The following EBF2 variants were observed in gnomAD, a reference collection of about 807,000 sequenced individuals.
The protein encoded by EBF2 is transcription factor COE2.
A neutral mutation model predicts 72.8 loss-of-function variants in EBF2; 21 were observed. The observed-to-expected ratio is 0.29, with a 90% CI of 0.20 to 0.42. EBF2 has a LOEUF of 0.42. Among genes scored for constraint, EBF2 ranks in the 10% least tolerant of loss-of-function variants. The probability of loss-of-function intolerance (pLI) is 1.00; values close to 1 mark genes in which losing one functional copy is unlikely to be tolerated. For synonymous variants in EBF2, 299 were observed against 274.2 expected, an observed-to-expected ratio of 1.09 and a Z score of -0.89; for missense variants, 637 against 731.2, an observed-to-expected ratio of 0.87 and a Z score of 1.49.
intron 6 of EBF2, among the ~76,000 whole-genome samples, chr8:25,913,097 C>T (rs1327558386): frequency 6.6e-6 from 1 of 152,146 alleles, no homozygotes; most frequent in Non-Finnish European, 1.5e-5. Flanking sequence ...ATTCAATTTA[C>T]CTCCAAATTG....
chr8:25,874,611 C>T (rs2117276759), intron 10 of EBF2, among the ~76,000 whole-genome samples: 1 of 152,046 alleles, frequency 6.6e-6, no homozygotes, highest in East Asian at 1.9e-4. Flanking sequence ...ATCTCTTCTG[C>T]TCCTTTGGTC....
chr8:25,885,419 C>T (rs1344835207), intron 10 of EBF2, among the ~76,000 whole-genome samples: 2 of 152,192 alleles, frequency 1.3e-5, no homozygotes, highest in African/African-American at 4.8e-5. Context: ...TCCCTTAACC[C>T]TTGGTACCCA....
chr8:25,982,054 G>A (rs1231734893), intron 6 of EBF2, among the ~76,000 whole-genome samples: 2 of 152,136 alleles, frequency 1.3e-5, no homozygotes, highest in Non-Finnish European at 2.9e-5. Context: ...ACGGAGGGAG[G>A]TTTCCTGTGA....
intron 6 of EBF2, among the ~76,000 whole-genome samples, chr8:25,945,908 TAATAAAG>T (rs1803761694): frequency 1.3e-5 from 2 of 152,026 alleles, no homozygotes; most frequent in Admixed American, 6.6e-5. Context: ...TTTTTACTAT[TAATAAAG>T]AATGCTGAAG....
At chr8:26,033,269 T>A in intron 5 of EBF2, 116 bp from the exon 6 acceptor site, 1 of 947,024 alleles carries the variant, frequency 1.1e-6, no homozygotes. Flanking sequence ...GTCACCAGGC[T>A]GTAGTACAAT....
intron 13 of EBF2, among the ~76,000 whole-genome samples, chr8:25,860,149 T>G (rs1347119383): frequency 2.0e-5 from 3 of 152,212 alleles, no homozygotes; most frequent in Non-Finnish European, 4.4e-5. Flanking sequence ...TAAAAATGAT[T>G]CGTGACAGAT....
At chr8:26,002,504 G>T (rs1441687202) in intron 6 of EBF2, among the ~76,000 whole-genome samples, 1 of 152,150 alleles carries the variant, frequency 6.6e-6, no homozygotes, top group East Asian at 1.9e-4. Context: ...CTTCGGCAAG[G>T]GCCCGGGGCT....
intron 6 of EBF2, among the ~76,000 whole-genome samples, chr8:25,944,582 C>T (rs1228932032): frequency 1.4e-5 from 2 of 147,850 alleles, no homozygotes; most frequent in South Asian, 2.1e-4. Context: ...GAATATATTA[C>T]AATATTAATA....
At chr8:25,925,114 G>A (rs1450157023) in intron 6 of EBF2, among the ~76,000 whole-genome samples, 1 of 152,078 alleles carries the variant, frequency 6.6e-6, no homozygotes, top group African/African-American at 2.4e-5. Flanking sequence ...CCTATTGTTG[G>A]GATTACAGAA....
intron 6 of EBF2, among the ~76,000 whole-genome samples, chr8:25,953,553 C>A (rs1039258951): frequency 6.6e-6 from 1 of 152,096 alleles, no homozygotes; most frequent in African/African-American, 2.4e-5. Context: ...AGTCCCATAC[C>A]GCAGAGGAAA....
chr8:26,014,738 G>A lies in EBF2; in HGVS notation c.551+18347C>T, dbSNP rs748941812. Among the ~76,000 whole-genome samples, 13 of 152,098 alleles carry A rather than the reference G, an allele frequency of 8.5e-5. No individual in the cohort carries two copies. The East Asian group carries it at 1.2e-3, about 14-fold the overall frequency. On this transcript the variant is annotated intron_variant, in intron 6 of 15. Transcript: ENST00000520164. Reference sequence around the variant, plus strand: ...TCCTCTGTAAATTTGCCCAAAAGTCGTGAACTACATAATACTAATTCTTAT... The same window carrying A: ...TCCTCTGTAAATTTGCCCAAAAGTCATGAACTACATAATACTAATTCTTAT...
chr8:25,882,626 A>G (rs989824894), intron 10 of EBF2, among the ~76,000 whole-genome samples: 9 of 152,224 alleles, frequency 5.9e-5, no homozygotes, highest in African/African-American at 1.9e-4. Context: ...CACAGTTGCC[A>G]GGCACTGTAT....
At chr8:25,890,881 C>T (rs1261858983) in intron 7 of EBF2, among the ~76,000 whole-genome samples, 2 of 152,212 alleles carry the variant, frequency 1.3e-5, no homozygotes, top group Non-Finnish European at 2.9e-5. Context: ...AAGGAATACT[C>T]AACCTGTAAT....
At chr8:25,915,002 C>T (rs753900125) in intron 6 of EBF2, among the ~76,000 whole-genome samples, 2 of 152,140 alleles carry the variant, frequency 1.3e-5, no homozygotes, top group African/African-American at 4.8e-5. Context: ...TTCTCAAATT[C>T]CTCTTGCCTA....
In EBF2 at chr8:25,842,565, C is replaced by G. The variant is rs545435086; in HGVS notation, c.*2044G>C. ...CATTCATATTCCACACATTCTTCCC[C>G]TTCCATCAATCAGGTTTCTCACTGG... is the stretch of plus-strand genomic sequence containing the variant. On this transcript the variant is annotated 3_prime_UTR_variant, in exon 16 of 16. Transcript: ENST00000520164. 1.3e-5 allele frequency: 2 copies of G among 152,290 alleles called. No homozygotes were observed. The highest frequency in any genetic ancestry group is 4.1e-4 in the South Asian group (2 of 4,828). The allele number at this position is 152,290 out of a possible 1,614,324, so 9.4% of individuals were successfully genotyped here.
intron 6 of EBF2, among the ~76,000 whole-genome samples, chr8:25,965,045 A>T (rs78380069): frequency 0.015 from 2,250 of 152,318 alleles, 62 homozygotes; most frequent in African/African-American, 0.052. Flanking sequence ...AAGATGAGAA[A>T]TATCAGTTCT....
At chr8:25,847,432 C>G (rs989595135) in intron 15 of EBF2, among the ~76,000 whole-genome samples, 1 of 152,184 alleles carries the variant, frequency 6.6e-6, no homozygotes, top group African/African-American at 2.4e-5. Flanking sequence ...TCTCTGTACT[C>G]AAGGGAACTT....
chr8:25,990,034 G>C (rs893053727), intron 6 of EBF2, among the ~76,000 whole-genome samples: 5 of 152,146 alleles, frequency 3.3e-5, no homozygotes, highest in Admixed American at 3.3e-4. Context: ...CAGTAGAAAA[G>C]GAAACCTGAG....
intron 6 of EBF2, among the ~76,000 whole-genome samples, chr8:26,007,730 T>G (rs1804904763): frequency 6.6e-6 from 1 of 151,916 alleles, no homozygotes; most frequent in African/African-American, 2.4e-5. Flanking sequence ...GATTCCCGGA[T>G]CAGACACAGA....
Sources: gnomAD v4.1 joint callset for allele counts (sites outside exome capture counted in the v4.1 genomes callset) on GRCh38, gnomAD v4.1.1 for gene constraint, MANE v1.5 for transcripts, NCBI Gene and HGNC (gene_info 2026-07-23, HGNC 2026-07-21) for gene names.